The following RGS12 variants were observed in gnomAD, a reference collection of about 807,000 sequenced individuals.
RGS12 encodes the protein regulator of G protein signaling 12, also known as regulator of G-protein signaling 12.
In RGS12, 66 loss-of-function variants were observed where a neutral mutation model predicts 120.1. The observed-to-expected ratio is 0.55, with a 90% CI of 0.45 to 0.67. The LOEUF (loss-of-function observed/expected upper bound fraction) is 0.67. Ranked by LOEUF, RGS12 falls within the 30% of genes least tolerant of loss-of-function variation. The pLI is 0.00. For missense variants in RGS12, 1,859 were observed against 1,957.7 expected, an observed-to-expected ratio of 0.95 and a Z score of 0.95; for synonymous variants, 827 against 804.7, an observed-to-expected ratio of 1.03 and a Z score of -0.47.
At chr4:3,423,396 T>TG in intron 12 of RGS12, 119 bp from the exon 13 acceptor site, 3 of 1,351,378 alleles carry the variant, frequency 2.2e-6, no homozygotes, top group Non-Finnish European at 1.0e-6. Flanking sequence ...GGGGCTGAAC[T>TG]GGGGGGCACA....
At chr4:3,346,130 A>G (rs1713766835) in intron 3 of RGS12, among the ~76,000 whole-genome samples, 1 of 152,188 alleles carries the variant, frequency 6.6e-6, no homozygotes, top group South Asian at 2.1e-4. Flanking sequence ...AATAGCACAG[A>G]CATTTCCTTC....
At chr4:3,299,441 C>T (rs965601931) in intron 1 of RGS12, among the ~76,000 whole-genome samples, 2 of 152,120 alleles carry the variant, frequency 1.3e-5, no homozygotes, top group Non-Finnish European at 2.9e-5. Context: ...TTTCAGGGGA[C>T]AACTCCCCTC....
At chr4:3,414,569 G>A in intron 5 of RGS12, 183 bp from the exon 6 acceptor site, 2 of 610,514 alleles carry the variant, frequency 3.3e-6, no homozygotes, top group South Asian at 4.0e-5. Flanking sequence ...TTTTGCTTTT[G>A]GGGAAACAGC....
chr4:3,368,410 G>T (rs1391991219), intron 3 of RGS12, among the ~76,000 whole-genome samples: 1 of 143,094 alleles, frequency 7.0e-6, no homozygotes, highest in East Asian at 2.1e-4. Flanking sequence ...GTGCCTGTGT[G>T]TGTGTGAGTG....
intron 1 of RGS12, among the ~76,000 whole-genome samples, chr4:3,303,975 T>C (rs920051448): frequency 6.6e-6 from 1 of 152,260 alleles, no homozygotes; most frequent in Non-Finnish European, 1.5e-5. Context: ...TGCATTAGTT[T>C]TTGAGTGAAT....
chr4:3,359,625 CTT>C (rs764421876), intron 3 of RGS12, among the ~76,000 whole-genome samples: 19 of 126,952 alleles, frequency 1.5e-4, no homozygotes, highest in Admixed American at 1.6e-4. Context: ...TTTTTCTTTT[CTT>C]TTTTTTTTTT....
At chr4:3,384,438 G>A (rs558302928) in intron 3 of RGS12, among the ~76,000 whole-genome samples, 28 of 152,330 alleles carry the variant, frequency 1.8e-4, no homozygotes, top group South Asian at 1.7e-3. Flanking sequence ...ACAGGTGTGA[G>A]CCACTGCGCC....
intron 3 of RGS12, among the ~76,000 whole-genome samples, chr4:3,345,251 T>A (rs186147764): frequency 2.6e-5 from 4 of 152,298 alleles, no homozygotes; most frequent in Non-Finnish European, 4.4e-5. Context: ...TGTGCAAGGT[T>A]GTGGTTTTGC....
At chr4:3,315,932 T>C (rs1724707985) in intron 1 of RGS12, 138 bp from the exon 2 acceptor site, 1 of 406,396 alleles carries the variant, frequency 2.5e-6, no homozygotes, top group African/African-American at 2.1e-5. Flanking sequence ...GACTTGAAGA[T>C]TTATTATCTA....
intron 3 of RGS12, among the ~76,000 whole-genome samples, chr4:3,350,920 T>G (rs1253622826): frequency 1.3e-5 from 2 of 151,856 alleles, no homozygotes; most frequent in East Asian, 1.9e-4. Context: ...GGCTTTCATT[T>G]TAGAATTTTG....
intron 2 of RGS12, among the ~76,000 whole-genome samples, chr4:3,331,870 C>T (rs1253849814): frequency 3.3e-5 from 5 of 152,184 alleles, no homozygotes; most frequent in Non-Finnish European, 7.3e-5. Context: ...GAGCTGGGGA[C>T]CTGGGGCTTT....
Position 3,365,315 on chromosome 4 carries a change from C to T in RGS12, c.1999-21101C>T, listed in dbSNP as rs766899897. Among the ~76,000 whole-genome samples, 25 of 151,612 alleles carry T rather than the reference C, an allele frequency of 1.6e-4. No individual in the cohort carries two copies. The highest frequency in any genetic ancestry group is 3.9e-4 in the Admixed American group (6 of 15,228). ...CGAGTGCGTGGTGTCGCCTGCACAG[C>T]GGGCAGTGCCTACTCTTGGCCCTTT... On this transcript the variant is annotated intron_variant, in intron 3 of 17. Coordinates refer to ENST00000336727, the MANE Select transcript of RGS12 (RefSeq NM_001394154.1). The surrounding 1 kb of genome is among the most constrained non-coding windows in gnomAD (Gnocchi z 4.0).
chr4:3,424,046 G>T (rs2012393308), intron 13 of RGS12, among the ~76,000 whole-genome samples: 1 of 152,386 alleles, frequency 6.6e-6, no homozygotes, highest in Admixed American at 6.5e-5. Flanking sequence ...GTCACATGGA[G>T]ATGTCCTGAT....
At chr4:3,306,473 A>AC (rs1461490233) in intron 1 of RGS12, among the ~76,000 whole-genome samples, 1 of 152,192 alleles carries the variant, frequency 6.6e-6, no homozygotes, top group Non-Finnish European at 1.5e-5. Flanking sequence ...CAGCCTTTCC[A>AC]CCCCTGTTTC....
At chr4:3,349,142 A>G (rs559070991) in intron 3 of RGS12, among the ~76,000 whole-genome samples, 2 of 152,288 alleles carry the variant, frequency 1.3e-5, no homozygotes, top group Admixed American at 1.3e-4. Flanking sequence ...GTATTAGTGT[A>G]TTTTTAATAT....
intron 11 of RGS12, 146 bp downstream of exon 11, chr4:3,422,716 T>C (rs1276153785): frequency 7.4e-6 from 8 of 1,085,492 alleles, no homozygotes; most frequent in African/African-American, 1.6e-5. Flanking sequence ...TTATCTGAAC[T>C]GAGCTATCTG....
chr4:3,288,940 T>C (rs976196037), upstream of RGS12, among the ~76,000 whole-genome samples: 1 of 151,798 alleles, frequency 6.6e-6, no homozygotes, highest in Admixed American at 6.6e-5. This position sits in a 1 kb window ranked among gnomAD's most constrained non-coding sequence, Gnocchi z 5.2. Flanking sequence ...GCCCCTAGAG[T>C]GGGCTGACTC....
chr4:3,424,606 T>C (rs1201608081), intron 13 of RGS12, among the ~76,000 whole-genome samples: 1 of 152,162 alleles, frequency 6.6e-6, no homozygotes, highest in Non-Finnish European at 1.5e-5. Context: ...GTGGCATGGT[T>C]GGGGGGCACC....
At chr4:3,328,454 T>C (rs1484178023) in intron 2 of RGS12, among the ~76,000 whole-genome samples, 1 of 152,168 alleles carries the variant, frequency 6.6e-6, no homozygotes, top group Non-Finnish European at 1.5e-5. Context: ...CCAGTTTAGC[T>C]CCCTCAACAT....
Sources: allele counts gnomAD v4.1 joint callset (sites outside exome capture counted in the v4.1 genomes callset), GRCh38; gene constraint gnomAD v4.1.1; non-coding constraint Gnocchi (gnomAD v3.1); transcripts MANE v1.5; gene names NCBI Gene and HGNC (gene_info 2026-07-23, HGNC 2026-07-21).